Variants in R3HDM2 observed in about 807,000 individuals in gnomAD.
The protein encoded by R3HDM2 is R3H domain containing 2.
A neutral mutation model predicts 124.5 loss-of-function variants in R3HDM2; 38 were observed. The observed-to-expected ratio is 0.31, with a 90% CI of 0.24 to 0.40. The LOEUF is 0.40. Ranked by LOEUF, R3HDM2 falls within the 10% of genes least tolerant of loss-of-function variation. The pLI is 1.00. For missense variants in R3HDM2, 869 were observed against 1,236.9 expected, an observed-to-expected ratio of 0.70 and a Z score of 4.46; for synonymous variants, 391 against 448.0, an observed-to-expected ratio of 0.87 and a Z score of 1.61.
intron 1 of R3HDM2, among the ~76,000 whole-genome samples, chr12:57,419,441 C>T (rs1355065647): frequency 1.3e-5 from 2 of 151,662 alleles, no homozygotes. Flanking sequence ...CTGTATCTGG[C>T]CATCTTTTTT....
intron 2 of R3HDM2, among the ~76,000 whole-genome samples, chr12:57,319,872 T>C (rs1442021955): frequency 6.6e-6 from 1 of 152,106 alleles, no homozygotes. Flanking sequence ...TTCCAGTCCT[T>C]TCAGCCAATG....
chr12:57,278,851 T>C (rs561801862), intron 14 of R3HDM2, among the ~76,000 whole-genome samples: 1 of 152,316 alleles, frequency 6.6e-6, no homozygotes, highest in Non-Finnish European at 1.5e-5. Flanking sequence ...TTCACAATAT[T>C]TGAGATAGGG....
intron 2 of R3HDM2, among the ~76,000 whole-genome samples, chr12:57,348,268 A>G (rs1429569140): frequency 6.6e-6 from 1 of 151,952 alleles, no homozygotes; most frequent in African/African-American, 2.4e-5. Context: ...CCTTGTCTCT[A>G]TTAAGAAATA....
chr12:57,256,579 A>C (rs1177690608), intron 21 of R3HDM2, 68 bp from the exon 22 acceptor site: 1 of 1,239,434 alleles, frequency 8.1e-7, no homozygotes, highest in Non-Finnish European at 1.1e-6. Context: ...TAAGACTTCA[A>C]GGGGCTTTGG....
intron 1 of R3HDM2, among the ~76,000 whole-genome samples, chr12:57,428,236 A>G: frequency 6.6e-6 from 1 of 152,150 alleles, no homozygotes; most frequent in Non-Finnish European, 1.5e-5. Flanking sequence ...AAACAAGAGC[A>G]TAGACCCTGA....
chr12:57,359,394 T>C (rs2061631613), intron 2 of R3HDM2, among the ~76,000 whole-genome samples: 1 of 152,212 alleles, frequency 6.6e-6, no homozygotes, highest in South Asian at 2.1e-4. Flanking sequence ...TAAACATTTA[T>C]GATCATTAAG....
chr12:57,319,340 C>G (rs1355147321), intron 2 of R3HDM2, among the ~76,000 whole-genome samples: 1 of 152,140 alleles, frequency 6.6e-6, no homozygotes, highest in African/African-American at 2.4e-5. Flanking sequence ...CCAGCCTTAG[C>G]TCCATTTTTC....
intron 2 of R3HDM2, among the ~76,000 whole-genome samples, chr12:57,352,207 A>T (rs929068543): frequency 1.4e-5 from 2 of 141,868 alleles, no homozygotes; most frequent in Non-Finnish European, 3.0e-5. Flanking sequence ...GTGCCACTGC[A>T]CTCCAGCCTG....
At chr12:57,307,104 T>C (rs921971806) in intron 3 of R3HDM2, among the ~76,000 whole-genome samples, 2 of 152,206 alleles carry the variant, frequency 1.3e-5, no homozygotes, top group Non-Finnish European at 2.9e-5. Context: ...TTTTCTAGCA[T>C]TGTTTCCATG....
chr12:57,389,740 G>T (rs924158831), intron 2 of R3HDM2, among the ~76,000 whole-genome samples: 3 of 151,936 alleles, frequency 2.0e-5, no homozygotes, highest in Non-Finnish European at 4.4e-5. Context: ...TTTTAACAAA[G>T]AATAAAAAGA....
At chr12:57,266,113 T>C (rs1385127798) in intron 19 of R3HDM2, among the ~76,000 whole-genome samples, 1 of 149,292 alleles carries the variant, frequency 6.7e-6, no homozygotes, top group South Asian at 2.1e-4. Flanking sequence ...TTTCTTTTTT[T>C]TTTTTTTTTT....
At position 57,349,718 on chromosome 12, in the gene R3HDM2, G is replaced by A. The variant is rs149918808; in HGVS notation, c.-35-39255C>T. On this transcript the variant is annotated intron_variant, in intron 2 of 23. Transcript: ENST00000402412. ...TGGGACTACAAGCATGTGCCACCAC[G>A]CCCGGCTAATTTTCTGTATTTTTAG... is the stretch of plus-strand genomic sequence containing the variant. 3.1e-3 allele frequency among the ~76,000 whole-genome samples: 477 copies of A among 151,672 alleles called. 3 individuals carry two copies. Among genetic ancestry groups the A allele is most frequent in the African/African-American group, 0.011 (456 of 41,420 alleles).
chr12:57,281,756 A>T (rs2046198196), intron 13 of R3HDM2, among the ~76,000 whole-genome samples: 1 of 152,108 alleles, frequency 6.6e-6, no homozygotes, highest in South Asian at 2.1e-4. Flanking sequence ...AGAGTGCTAG[A>T]ATTACAGGTG....
chr12:57,336,232 G>A (rs1566222518), intron 2 of R3HDM2, among the ~76,000 whole-genome samples: 1 of 152,032 alleles, frequency 6.6e-6, no homozygotes, highest in Non-Finnish European at 1.5e-5. Flanking sequence ...ATTATGGAAA[G>A]CAGTATGATG....
chr12:57,277,954 GC>G (rs1435306448), intron 14 of R3HDM2, among the ~76,000 whole-genome samples: 1 of 152,098 alleles, frequency 6.6e-6, no homozygotes, highest in Non-Finnish European at 1.5e-5. Flanking sequence ...AAAGAAAATG[GC>G]AGTAGGAAGA....
At chr12:57,269,625 G>A in intron 15 of R3HDM2, 127 bp downstream of exon 15, 4 of 1,481,862 alleles carry the variant, frequency 2.7e-6, no homozygotes, top group Non-Finnish European at 3.7e-6. Flanking sequence ...TTTCTGGCTA[G>A]AACAACTCTC....
chr12:57,345,157 A>G (rs369416419), intron 2 of R3HDM2, among the ~76,000 whole-genome samples: 1 of 136,306 alleles, frequency 7.3e-6, no homozygotes, highest in African/African-American at 3.5e-5. Context: ...TTATTGGGGG[A>G]AAAAAAAACC....
At chr12:57,388,568 G>A in intron 2 of R3HDM2, among the ~76,000 whole-genome samples, 1 of 152,154 alleles carries the variant, frequency 6.6e-6, no homozygotes, top group South Asian at 2.1e-4. Flanking sequence ...ACAATGTCAA[G>A]GTTGCAGTGA....
chr12:57,393,879 T>C (rs140618934), intron 2 of R3HDM2, among the ~76,000 whole-genome samples: 100 of 152,258 alleles, frequency 6.6e-4, no homozygotes, highest in African/African-American at 2.2e-3. Flanking sequence ...CCATGGAAGC[T>C]AAAATAATGT....
Sources: gnomAD v4.1 joint callset for allele counts (sites outside exome capture counted in the v4.1 genomes callset) on GRCh38, gnomAD v4.1.1 for gene constraint, MANE v1.5 for transcripts, NCBI Gene and HGNC (gene_info 2026-07-23, HGNC 2026-07-21) for gene names.